Variants in GLIS3 observed in about 807,000 individuals in gnomAD.
GLIS3 encodes GLIS family zinc finger 3.
Under a neutral mutation model 78.6 loss-of-function variants are expected in GLIS3, and 53 were observed. The observed-to-expected ratio is 0.67, with a 90% confidence interval of 0.54 to 0.85. The LOEUF is 0.85. Among genes scored for constraint, GLIS3 ranks in the 40% least tolerant of loss-of-function variants. The probability of loss-of-function intolerance (pLI) is 0.00; values close to 1 mark genes in which losing one functional copy is unlikely to be tolerated. For synonymous variants in GLIS3, 684 were observed against 509.9 expected (o/e 1.34, Z -4.60); for missense variants, 1,703 against 1,231.1 (o/e 1.38, Z -5.74).
At chr9:4,436,819 A>T in the GLIS3 span, among the ~76,000 whole-genome samples, 3 of 149,748 alleles carry the variant, frequency 2.0e-5, no homozygotes, top group African/African-American at 7.4e-5. Flanking sequence ...TCAAAAAAAA[A>T]AAAAAAAAAA....
At position 4,235,458 on chromosome 9, in the gene GLIS3, C is replaced by G. The variant is rs555850093; in HGVS notation, c.388+50580G>C. Among the ~76,000 whole-genome samples, 4 of 152,284 alleles carry G rather than the reference C, an allele frequency of 2.6e-5. No homozygotes were observed. In the East Asian group the frequency reaches 7.7e-4, roughly 29 times the overall value. ...CTTTAAGTTTCTAACGACTTGATCT[C>G]AGTCATTCAGCCATGCTGGAATTAT... On this transcript the variant is annotated intron_variant, in intron 2 of 10. Coordinates refer to ENST00000381971, the MANE Select transcript of GLIS3 (RefSeq NM_001042413.2).
At chr9:4,127,296 G>A (rs1033630094) in intron 2 of GLIS3, among the ~76,000 whole-genome samples, 3 of 152,160 alleles carry the variant, frequency 2.0e-5, no homozygotes, top group African/African-American at 4.8e-5. Context: ...TGACACCTGT[G>A]TGCTTAAATT....
chr9:3,907,908 C>G (rs1003551112), intron 6 of GLIS3, among the ~76,000 whole-genome samples: 17 of 152,078 alleles, frequency 1.1e-4, no homozygotes, highest in African/African-American at 3.6e-4. Context: ...TCAAGAATGT[C>G]GAGAGGCAAT....
At chr9:4,100,239 T>A (rs1297255636) in intron 4 of GLIS3, among the ~76,000 whole-genome samples, 1 of 152,196 alleles carries the variant, frequency 6.6e-6, no homozygotes, top group African/African-American at 2.4e-5. Flanking sequence ...CCTTCCACCA[T>A]AATTGGCCCC....
chr9:3,912,228 G>A (rs188833041), intron 6 of GLIS3, among the ~76,000 whole-genome samples: 7 of 152,290 alleles, frequency 4.6e-5, no homozygotes, highest in Admixed American at 1.3e-4. Context: ...TATTGCGTAC[G>A]TTAAGAGTGA....
chr9:4,199,093 C>T (rs1419568028), intron 2 of GLIS3, among the ~76,000 whole-genome samples: 1 of 152,154 alleles, frequency 6.6e-6, no homozygotes, highest in Admixed American at 6.5e-5. Flanking sequence ...AGAACTATAC[C>T]TGTTACCACA....
chr9:4,293,366 G>A (rs1249365092), intron 1 of GLIS3, among the ~76,000 whole-genome samples: 2 of 152,290 alleles, frequency 1.3e-5, no homozygotes, highest in African/African-American at 2.4e-5. Flanking sequence ...AAAAGTGACC[G>A]ATGTAACTAT....
chr9:4,355,056 G>A, the GLIS3 span, among the ~76,000 whole-genome samples: 7 of 150,322 alleles, frequency 4.7e-5, no homozygotes, highest in South Asian at 4.2e-4. Context: ...GCTTGAACCC[G>A]GGAGGCGGAG....
At chr9:4,196,166 T>G (rs1387091937) in intron 2 of GLIS3, among the ~76,000 whole-genome samples, 1 of 150,846 alleles carries the variant, frequency 6.6e-6, no homozygotes, top group Non-Finnish European at 1.5e-5. Context: ...CTTTTATGTC[T>G]AGGAGAACTT....
chr9:4,252,148 G>A (rs995127560), intron 2 of GLIS3, among the ~76,000 whole-genome samples: 1 of 152,118 alleles, frequency 6.6e-6, no homozygotes, highest in Non-Finnish European at 1.5e-5. Flanking sequence ...TTGAATGTTG[G>A]CCTGTCTTGC....
chr9:4,345,243 A>C (rs1414728277), intron 2 of GLIS3, among the ~76,000 whole-genome samples: 1 of 152,112 alleles, frequency 6.6e-6, no homozygotes, highest in Admixed American at 6.6e-5. Context: ...TGCTCTTCTC[A>C]GAACACACTT....
chr9:4,416,070 A>T, the GLIS3 span, among the ~76,000 whole-genome samples: 2 of 150,812 alleles, frequency 1.3e-5, no homozygotes, highest in Non-Finnish European at 2.9e-5. Context: ...AGAGCACAGG[A>T]TCTAATGACT....
At chr9:4,435,990 A>G in the GLIS3 span, among the ~76,000 whole-genome samples, 1 of 152,132 alleles carries the variant, frequency 6.6e-6, no homozygotes, top group Non-Finnish European at 1.5e-5. Context: ...AAACAAATAA[A>G]AATCTTCCCC....
the GLIS3 span, among the ~76,000 whole-genome samples, chr9:4,470,157 C>T: frequency 3.4e-4 from 52 of 152,238 alleles, no homozygotes; most frequent in African/African-American, 1.0e-3. Context: ...GGATTCACAG[C>T]CGAATTCTAC....
chr9:4,408,281 G>A, the GLIS3 span, among the ~76,000 whole-genome samples: 2 of 152,042 alleles, frequency 1.3e-5, no homozygotes, highest in East Asian at 3.9e-4. Context: ...CCGAAAGAAA[G>A]GAAATCAGTA....
At chr9:4,206,056 T>C (rs1421983084) in intron 2 of GLIS3, among the ~76,000 whole-genome samples, 2 of 151,820 alleles carry the variant, frequency 1.3e-5, no homozygotes, top group East Asian at 1.9e-4. Flanking sequence ...AAGAGAAGAG[T>C]TGAAGGTATG....
At chr9:4,455,722 G>T in the GLIS3 span, among the ~76,000 whole-genome samples, 1 of 152,128 alleles carries the variant, frequency 6.6e-6, no homozygotes, top group African/African-American at 2.4e-5. Context: ...ATCCTGAAAG[G>T]CATACTGTGG....
the GLIS3 span, among the ~76,000 whole-genome samples, chr9:4,428,855 C>G: frequency 6.6e-6 from 1 of 152,190 alleles, no homozygotes; most frequent in East Asian, 1.9e-4. Context: ...TCTGCCAATG[C>G]ACCCTACTCA....
chr9:4,139,880 G>C (rs1833679655), intron 2 of GLIS3, among the ~76,000 whole-genome samples: 1 of 152,168 alleles, frequency 6.6e-6, no homozygotes, highest in South Asian at 2.1e-4. Flanking sequence ...CTGCTGTTGT[G>C]TGGCCTGGTT....
Sources: gnomAD v4.1 joint callset for allele counts (sites outside exome capture counted in the v4.1 genomes callset) on GRCh38, gnomAD v4.1.1 for gene constraint, MANE v1.5 for transcripts, NCBI Gene and HGNC (gene_info 2026-07-23, HGNC 2026-07-21) for gene names.